The following EFCAB13 variants were observed in gnomAD, a reference collection of about 807,000 sequenced individuals.
EFCAB13 encodes the protein EF-hand calcium-binding domain-containing protein 13.
EFCAB13 carries 91 observed loss-of-function variants against 110.2 expected under a neutral mutation model. The observed-to-expected ratio is 0.83, with a 90% CI of 0.70 to 0.98. The LOEUF (loss-of-function observed/expected upper bound fraction) is 0.98, where lower values mean the gene tolerates loss of function less well. EFCAB13 is among the 50% of genes least tolerant of loss of function. EFCAB13 has a pLI of 0.00. For synonymous variants in EFCAB13, 323 were observed against 369.9 expected (o/e 0.87, Z 1.45); for missense variants, 968 against 1,119.4 (o/e 0.86, Z 1.93).
At position 47,361,355 on chromosome 17, in the gene EFCAB13, G is replaced by C. The variant is rs760101453; in HGVS notation, c.662-23G>C. On this transcript the variant is annotated intron_variant, in intron 9 of 24. Coordinates refer to ENST00000331493, the MANE Select transcript of EFCAB13 (RefSeq NM_152347.5). ...CCAAGAAAAGCTGTTGATTCTCATGGTATAATAATTTCTTTTTTGCAGCAT... is the reference window on the plus strand; with the variant it reads ...CCAAGAAAAGCTGTTGATTCTCATGCTATAATAATTTCTTTTTTGCAGCAT... The C allele has an allele frequency of 2.5e-6, 4 of 1,609,720 alleles. No individual in the cohort carries two copies. The East Asian group carries it at 9.0e-5, about 36-fold the overall frequency.
chr17:47,346,434 C>CCG (rs764536255), intron 8 of EFCAB13, among the ~76,000 whole-genome samples: 18 of 3,636 alleles, frequency 5.0e-3, no homozygotes, highest in Non-Finnish European at 9.9e-3. Context: ...ACGTACTTTA[C>CCG]CCCCCCCCCC....
intron 23 of EFCAB13, among the ~76,000 whole-genome samples, chr17:47,417,875 A>G (rs1276055188): frequency 2.0e-5 from 3 of 152,132 alleles, no homozygotes; most frequent in Non-Finnish European, 4.4e-5. Context: ...AGTGTTGACA[A>G]TTCTTTCCAT....
intron 5 of EFCAB13, among the ~76,000 whole-genome samples, chr17:47,335,831 GAAC>G (rs760752595): frequency 2.0e-5 from 3 of 152,098 alleles, no homozygotes; most frequent in Admixed American, 6.5e-5. Flanking sequence ...AGTATCATGA[GAAC>G]AACAAGTGGG....
intron 23 of EFCAB13, among the ~76,000 whole-genome samples, chr17:47,417,489 T>G (rs1200571083): frequency 6.6e-6 from 1 of 152,182 alleles, no homozygotes; most frequent in Non-Finnish European, 1.5e-5. Flanking sequence ...TAATTGGAAC[T>G]CTTCTACCCG....
At chr17:47,380,900 T>A (rs1479813600) in intron 14 of EFCAB13, among the ~76,000 whole-genome samples, 3 of 149,244 alleles carry the variant, frequency 2.0e-5, no homozygotes, top group Non-Finnish European at 4.5e-5. Flanking sequence ...TTTTTTTTTT[T>A]GAGACAAAGT....
intron 23 of EFCAB13, among the ~76,000 whole-genome samples, chr17:47,424,902 AG>A (rs1904889374): frequency 1.8e-4 from 1 of 5,594 alleles, no homozygotes; most frequent in Non-Finnish European, 3.6e-4. Context: ...TTTTTTTTTG[AG>A]ACGGAGTCTC....
chr17:47,392,462 G>A (rs963012661), intron 15 of EFCAB13, among the ~76,000 whole-genome samples: 3 of 152,030 alleles, frequency 2.0e-5, no homozygotes, highest in Non-Finnish European at 4.4e-5. Context: ...GTGTTGGGGG[G>A]TGGGGGTTGG....
chr17:47,439,139 T>C (rs1905264862), intron 24 of EFCAB13, among the ~76,000 whole-genome samples: 1 of 151,262 alleles, frequency 6.6e-6, no homozygotes, highest in Non-Finnish European at 1.5e-5. Context: ...CTTTCTTCTA[T>C]GAAATTGCCA....
At chr17:47,376,900 C>T (rs2143368819) in intron 12 of EFCAB13, among the ~76,000 whole-genome samples, 1 of 152,208 alleles carries the variant, frequency 6.6e-6, no homozygotes, top group East Asian at 1.9e-4. Flanking sequence ...TTGGATTTTT[C>T]TTTTATTCCT....
chr17:47,331,417 T>A (rs1395608529), intron 4 of EFCAB13, among the ~76,000 whole-genome samples: 1 of 152,020 alleles, frequency 6.6e-6, no homozygotes. Flanking sequence ...CTTAAATATG[T>A]AGACTTTTTT....
At position 47,403,982 on chromosome 17, in the gene EFCAB13, G is replaced by C. The variant is rs779788502; in HGVS notation, c.2122G>C (p.Glu708Gln). Residue 708 changes from glutamate to glutamine, a missense_variant, in exon 19 of 25, where the codon GAA becomes CAA. Transcript: ENST00000331493. ...LRNVGIKSPK[E>Q]EVEKILQSDF... is the part of the protein sequence containing the mutation. The stretch of plus-strand genomic sequence containing the variant: ...AAATGTTGGGATTAAGTCACCTAAA[G>C]AAGAGGTAGAGAAAATTCTTCAATC... 1 of 1,606,470 alleles carries C rather than the reference G, an allele frequency of 6.2e-7. No homozygotes were observed. Among genetic ancestry groups the C allele is most frequent in the African/African-American group, 1.3e-5 (1 of 74,532 alleles).
chr17:47,344,875 A>C (rs1233074990), intron 7 of EFCAB13, 141 bp from the exon 8 acceptor site: 1 of 659,494 alleles, frequency 1.5e-6, no homozygotes, highest in African/African-American at 1.9e-5. Flanking sequence ...TGAAGTGAAG[A>C]ATATGGAATT....
chr17:47,377,823 T>C lies in EFCAB13; in HGVS notation c.1430T>C (p.Leu477Pro). Residue 477 changes from leucine to proline, a missense_variant, in exon 13 of 25, where the codon CTT becomes CCT. Physicochemically the swap from Leu to Pro is moderately conservative, Grantham distance 98. Coordinates refer to ENST00000331493, the MANE Select transcript of EFCAB13 (RefSeq NM_152347.5). Reference protein sequence around the residue: ...LQENYIAAEELQSILPSTGIN... With the variant: ...LQENYIAAEEPQSILPSTGIN... Reference sequence around the variant, plus strand: ...GAAAATTACATTGCAGCAGAAGAACTTCAGTCTATTTTGCCTTCAACAGGA... The same window carrying C: ...GAAAATTACATTGCAGCAGAAGAACCTCAGTCTATTTTGCCTTCAACAGGA... 1.9e-6 allele frequency: 3 copies of C among 1,595,642 alleles called. No individual in the cohort carries two copies. The highest frequency in any genetic ancestry group is 1.7e-6 in the Non-Finnish European group (2 of 1,175,468).
intron 17 of EFCAB13, among the ~76,000 whole-genome samples, chr17:47,397,196 T>C (rs371847857): frequency 2.0e-5 from 3 of 151,616 alleles, no homozygotes; most frequent in Non-Finnish European, 2.9e-5. Flanking sequence ...ATTTTTTTGG[T>C]GGAGACGGGG....
chr17:47,363,462 C>CT (rs34092734), intron 10 of EFCAB13, among the ~76,000 whole-genome samples: 5,271 of 138,374 alleles, frequency 0.038, 264 homozygotes, highest in African/African-American at 0.12. Flanking sequence ...AAACACACTT[C>CT]TTTTTTTTTT....
intron 8 of EFCAB13, among the ~76,000 whole-genome samples, chr17:47,346,652 C>T (rs1764408451): frequency 6.6e-6 from 1 of 152,090 alleles, no homozygotes; most frequent in Non-Finnish European, 1.5e-5. Flanking sequence ...TGTTGGGAAG[C>T]TTCCTAAACT....
At chr17:47,380,164 G>A (rs1356374359) in intron 14 of EFCAB13, among the ~76,000 whole-genome samples, 1 of 152,102 alleles carries the variant, frequency 6.6e-6, no homozygotes, top group Non-Finnish European at 1.5e-5. Context: ...ACATGCTATG[G>A]TGGTTTGCTG....
At chr17:47,415,392 A>AT (rs1904407812) in intron 23 of EFCAB13, among the ~76,000 whole-genome samples, 1 of 152,154 alleles carries the variant, frequency 6.6e-6, no homozygotes, top group African/African-American at 2.4e-5. Context: ...TATAATAATA[A>AT]TAAAAAAAAG....
At chr17:47,360,160 C>T (rs1038183662) in intron 9 of EFCAB13, among the ~76,000 whole-genome samples, 4 of 152,112 alleles carry the variant, frequency 2.6e-5, no homozygotes, top group African/African-American at 9.7e-5. Context: ...ATGGCTGGGT[C>T]AAATGGTATT....
Sources: gnomAD v4.1 joint callset for allele counts (sites outside exome capture counted in the v4.1 genomes callset) on GRCh38, gnomAD v4.1.1 for gene constraint, MANE v1.5 for transcripts, NCBI Gene and HGNC (gene_info 2026-07-23, HGNC 2026-07-21) for gene names.